SLC14A2: variants seen among roughly 807,000 people sequenced by gnomAD.
SLC14A2 encodes urea transporter 2.
A neutral mutation model predicts 104.6 loss-of-function variants in SLC14A2; 91 were observed. The observed-to-expected ratio is 0.87, with a 90% CI of 0.73 to 1.04. The LOEUF (loss-of-function observed/expected upper bound fraction) is 1.04, where lower values mean the gene tolerates loss of function less well. Among genes scored for constraint, SLC14A2 ranks in the 50% least tolerant of loss-of-function variants. SLC14A2 has a pLI of 0.00. For missense variants in SLC14A2, 1,189 were observed against 1,156.0 expected (o/e 1.03, Z -0.41); for synonymous variants, 476 against 466.4 (o/e 1.02, Z -0.27).
chr18:45,184,457 A>G, the SLC14A2 span, among the ~76,000 whole-genome samples: 1 of 152,224 alleles, frequency 6.6e-6, no homozygotes, highest in African/African-American at 2.4e-5. Context: ...ATAAAAAATG[A>G]AGAAGTGGCT....
chr18:45,423,131 T>C (rs28603046), intron 1 of SLC14A2, among the ~76,000 whole-genome samples: 43,630 of 152,108 alleles, frequency 0.29, 7,605 homozygotes, highest in Non-Finnish European at 0.39. Flanking sequence ...TCTGCTCCAT[T>C]TGGGGAATGA....
chr18:45,219,782 G>A (rs967089683), intron 1 of SLC14A2, among the ~76,000 whole-genome samples: 2 of 152,138 alleles, frequency 1.3e-5, no homozygotes, highest in Admixed American at 6.6e-5. Flanking sequence ...GAGGGACAGA[G>A]AGGCAGGAAA....
chr18:45,398,898 A>C (rs1357599452), intron 1 of SLC14A2, among the ~76,000 whole-genome samples: 1 of 152,196 alleles, frequency 6.6e-6, no homozygotes, highest in Non-Finnish European at 1.5e-5. Flanking sequence ...AGTTCTGGAG[A>C]TAGGTGGTAG....
At chr18:45,195,056 C>T in the SLC14A2 span, among the ~76,000 whole-genome samples, 1 of 152,098 alleles carries the variant, frequency 6.6e-6, no homozygotes, top group Non-Finnish European at 1.5e-5. Context: ...TAAAGGCAAA[C>T]GTCTCAGTTT....
At position 45,673,766 on chromosome 18, in the gene SLC14A2, G is replaced by A. The variant is rs1387074354; in HGVS notation, c.2461G>A (p.Gly821Ser). Residue 821 changes from glycine (G) to serine (S), a missense_variant, in exon 18 of 20, where the codon GGC (glycine) becomes AGC (serine). By Grantham distance (56) the Gly-to-Ser change is moderately conservative. Transcript: ENST00000255226. ...CACCCTCGCATGCATAGCGATAGGA[G>A]GCATGTTCTACGTCATCACCTGGCA... ...NSTLACIAIG[G>S]MFYVITWQTH... 3 of 1,614,072 alleles carry A rather than the reference G, an allele frequency of 1.9e-6. No homozygotes were observed. The highest frequency in any genetic ancestry group is 1.3e-5 in the African/African-American group (1 of 74,928).
intron 1 of SLC14A2, among the ~76,000 whole-genome samples, chr18:45,478,137 G>A (rs1368501563): frequency 1.3e-5 from 2 of 152,204 alleles, no homozygotes; most frequent in East Asian, 3.8e-4. Context: ...GAATCTCCTG[G>A]TCTGTGGGTT....
At chr18:45,487,932 A>G (rs771952336) in intron 2 of SLC14A2, among the ~76,000 whole-genome samples, 2 of 152,206 alleles carry the variant, frequency 1.3e-5, no homozygotes, top group Non-Finnish European at 2.9e-5. Context: ...TAGCTAGGGT[A>G]ATATGTCCTT....
intron 1 of SLC14A2, among the ~76,000 whole-genome samples, chr18:45,239,823 TGCC>T (rs2084292954): frequency 6.6e-6 from 1 of 152,194 alleles, no homozygotes; most frequent in Non-Finnish European, 1.5e-5. Flanking sequence ...GCCCTTACCC[TGCC>T]AGGTACTAAC....
At chr18:45,284,553 T>C (rs1215371064) in intron 1 of SLC14A2, among the ~76,000 whole-genome samples, 2 of 152,174 alleles carry the variant, frequency 1.3e-5, no homozygotes, top group Non-Finnish European at 2.9e-5. Context: ...CTCTACCTCC[T>C]CCATTCATCC....
chr18:45,607,542 C>A (rs747456307), intron 2 of SLC14A2, among the ~76,000 whole-genome samples: 2 of 152,132 alleles, frequency 1.3e-5, no homozygotes, highest in African/African-American at 2.4e-5. Context: ...TGGGTTCCTG[C>A]TAGGAGACCA....
intron 1 of SLC14A2, among the ~76,000 whole-genome samples, chr18:45,617,248 TC>T (rs2045088811): frequency 6.6e-6 from 1 of 152,208 alleles, no homozygotes; most frequent in Middle Eastern, 3.2e-3. Flanking sequence ...TCAGAGCTTT[TC>T]TGCTGGAGGC....
At chr18:45,603,041 C>CT (rs112733488) in intron 2 of SLC14A2, among the ~76,000 whole-genome samples, 18 of 152,022 alleles carry the variant, frequency 1.2e-4, no homozygotes, top group African/African-American at 2.9e-4. Context: ...AACAATTTTG[C>CT]TTTTTTTTCA....
rs1555714274 is a variant in SLC14A2, at chr18:45,618,696, A to AAAAG, written c.-35+3116_-35+3117insAGAA. Among the ~76,000 whole-genome samples, 53 of 144,462 alleles carry AAAAG rather than the reference A, an allele frequency of 3.7e-4. 1 individual carries two copies. Among genetic ancestry groups the AAAAG allele is most frequent in the African/African-American group, 1.4e-3 (51 of 36,354 alleles). The allele number at this position is 144,462 out of a possible 152,430, so 94.8% of individuals were successfully genotyped here. On this transcript the variant is annotated intron_variant, in intron 1 of 19. Transcript: ENST00000255226. ...AAAAAAAAAAAAAAAAAAAAAAAAA[A>AAAAG]AAGAAGTAGTAAATGGGGCCATTTG... is the stretch of plus-strand genomic sequence containing the variant.
intron 1 of SLC14A2, among the ~76,000 whole-genome samples, chr18:45,462,517 C>T (rs544008977): frequency 1.3e-3 from 191 of 152,296 alleles, no homozygotes; most frequent in Admixed American, 2.5e-3. Context: ...TGATTTGAAA[C>T]GGAGCAGAGA....
At chr18:45,236,189 A>G (rs867194428) in intron 1 of SLC14A2, among the ~76,000 whole-genome samples, 4 of 53,316 alleles carry the variant, frequency 7.5e-5, no homozygotes, top group East Asian at 4.2e-4. Context: ...ATATGTGTGT[A>G]TATATGTGTA....
At chr18:45,628,819 T>C (rs2045301962) in intron 4 of SLC14A2, among the ~76,000 whole-genome samples, 1 of 152,214 alleles carries the variant, frequency 6.6e-6, no homozygotes, top group South Asian at 2.1e-4. Context: ...AAGTGAAAGC[T>C]AAGTCATAAT....
intron 1 of SLC14A2, among the ~76,000 whole-genome samples, chr18:45,401,866 T>C (rs1397076397): frequency 2.0e-5 from 3 of 152,120 alleles, no homozygotes; most frequent in Non-Finnish European, 4.4e-5. Flanking sequence ...GGAAGAGGTA[T>C]ATGTCAGTAA....
intron 2 of SLC14A2, among the ~76,000 whole-genome samples, chr18:45,494,791 T>C (rs759477401): frequency 5.9e-5 from 9 of 152,016 alleles, no homozygotes; most frequent in Admixed American, 5.2e-4. Flanking sequence ...TTCACCTCTC[T>C]TCAGTCTGTC....
intron 1 of SLC14A2, among the ~76,000 whole-genome samples, chr18:45,396,651 C>CTTTTTTTTTTT (rs2086035923): frequency 6.9e-6 from 1 of 144,326 alleles, no homozygotes; most frequent in African/African-American, 2.6e-5. Context: ...TCTTTTTTCC[C>CTTTTTTTTTTT]TCTTTTTTCC....
Sources: gnomAD v4.1 joint callset for allele counts (sites outside exome capture counted in the v4.1 genomes callset) on GRCh38, gnomAD v4.1.1 for gene constraint, MANE v1.5 for transcripts, NCBI Gene and HGNC (gene_info 2026-07-23, HGNC 2026-07-21) for gene names.